The following MAST4 variants were observed in gnomAD, a reference collection of about 807,000 sequenced individuals.
MAST4 encodes the protein microtubule-associated serine/threonine-protein kinase 4.
A neutral mutation model predicts 162.7 loss-of-function variants in MAST4; 89 were observed. The ratio of observed to expected loss-of-function variants is 0.55; its 90% CI spans 0.46 to 0.65. MAST4 has a LOEUF of 0.65. Among genes scored for constraint, MAST4 ranks in the 30% least tolerant of loss-of-function variants. The probability of loss-of-function intolerance (pLI) is 0.00; values close to 1 mark genes in which losing one functional copy is unlikely to be tolerated. For synonymous variants in MAST4, 1,479 were observed against 1,361.1 expected (o/e 1.09, Z -1.91); for missense variants, 3,153 against 3,374.0 (o/e 0.93, Z 1.62).
intron 1 of MAST4, among the ~76,000 whole-genome samples, chr5:66,730,268 T>A (rs1377389452): frequency 6.6e-6 from 1 of 152,202 alleles, no homozygotes; most frequent in East Asian, 1.9e-4. Context: ...CCTGAAGAGA[T>A]GTATTCTTCC....
chr5:67,087,760 A>G (rs1472776060), intron 5 of MAST4, among the ~76,000 whole-genome samples: 2 of 152,192 alleles, frequency 1.3e-5, no homozygotes, highest in Non-Finnish European at 2.9e-5. Context: ...GTATATATAT[A>G]TTTGCATTTT....
intron 14 of MAST4, among the ~76,000 whole-genome samples, chr5:67,128,408 G>T (rs1393052869): frequency 6.6e-6 from 1 of 152,104 alleles, no homozygotes. Flanking sequence ...AGGAGGTATG[G>T]TTAAGAGAGT....
chr5:66,670,827 T>C (rs147372296), intron 1 of MAST4, among the ~76,000 whole-genome samples: 9 of 151,990 alleles, frequency 5.9e-5, no homozygotes, highest in African/African-American at 2.2e-4. Context: ...TCAAACAAAC[T>C]AAAAACATTA....
At chr5:66,700,800 T>TACACACAC (rs10522165) in intron 1 of MAST4, among the ~76,000 whole-genome samples, 14 of 91,138 alleles carry the variant, frequency 1.5e-4, no homozygotes, top group African/African-American at 5.3e-4. Context: ...TATATATATA[T>TACACACAC]ACACACACAC....
At chr5:66,895,360 C>T (rs1762615159) in intron 3 of MAST4, among the ~76,000 whole-genome samples, 7 of 152,122 alleles carry the variant, frequency 4.6e-5, no homozygotes, top group Admixed American at 3.9e-4. Context: ...TGTAAAGTCC[C>T]ATGGCTTTAC....
intron 4 of MAST4, among the ~76,000 whole-genome samples, chr5:66,939,923 A>G (rs1743183916): frequency 2.0e-5 from 3 of 152,128 alleles, no homozygotes; most frequent in Admixed American, 1.3e-4. Flanking sequence ...TACATTAGCC[A>G]GGCTGTGGTG....
chr5:67,023,966 T>G (rs201639355), intron 4 of MAST4, among the ~76,000 whole-genome samples: 1 of 151,992 alleles, frequency 6.6e-6, no homozygotes, highest in Non-Finnish European at 1.5e-5. Flanking sequence ...AAGTGTACAC[T>G]TTAGTAGTGT....
intron 4 of MAST4, among the ~76,000 whole-genome samples, chr5:67,008,876 C>T (rs997795567): frequency 4.6e-5 from 7 of 152,176 alleles, no homozygotes; most frequent in Admixed American, 6.5e-5. Flanking sequence ...TTTATGCATT[C>T]GGCATCTTCC....
chr5:67,034,407 G>C (rs912315601), intron 4 of MAST4, among the ~76,000 whole-genome samples: 1 of 152,158 alleles, frequency 6.6e-6, no homozygotes, highest in African/African-American at 2.4e-5. Flanking sequence ...TAGGGGTTAC[G>C]TAACAATGAT....
At position 67,005,229 on chromosome 5, in the gene MAST4, G is replaced by T; in HGVS notation, c.675-49175G>T. 13 of 647,532 alleles carry T rather than the reference G, an allele frequency of 2.0e-5. No homozygotes were observed. The South Asian group carries it at 2.3e-4, about 11-fold the overall frequency. The allele number at this position is 647,532 out of a possible 1,614,324, so 40.1% of individuals were successfully genotyped here. A position where few individuals can be genotyped will look rare whatever the true frequency, so the allele number is the denominator to read the frequency against. On this transcript the variant is annotated intron_variant, in intron 4 of 28. Coordinates refer to ENST00000403625, the MANE Select transcript of MAST4 (RefSeq NM_001164664.2). Reference sequence around the variant, plus strand: ...AAGTTTATGCCCCGCTAGGGGAGGGGGTACTGTTTCAGGTATTTCTTCGTC... The same window carrying T: ...AAGTTTATGCCCCGCTAGGGGAGGGTGTACTGTTTCAGGTATTTCTTCGTC...
intron 4 of MAST4, among the ~76,000 whole-genome samples, chr5:66,916,742 GTTTTC>G (rs912232565): frequency 3.3e-5 from 5 of 152,096 alleles, no homozygotes; most frequent in Admixed American, 6.5e-5. Context: ...CCACTCTTTA[GTTTTC>G]TTTTGTCACC....
At chr5:67,076,997 T>C (rs1761733524) in intron 5 of MAST4, among the ~76,000 whole-genome samples, 1 of 152,182 alleles carries the variant, frequency 6.6e-6, no homozygotes, top group South Asian at 2.1e-4. Context: ...AGTTGGAGAA[T>C]TAACTGCCCT....
chr5:67,147,745 T>G (rs569148367), intron 23 of MAST4, among the ~76,000 whole-genome samples: 2 of 152,334 alleles, frequency 1.3e-5, no homozygotes, highest in East Asian at 3.9e-4. Flanking sequence ...GTGAAGCAGT[T>G]TTTATCAAGA....
chr5:66,817,279 C>T (rs1756777508), intron 3 of MAST4, among the ~76,000 whole-genome samples: 1 of 152,202 alleles, frequency 6.6e-6, no homozygotes, highest in African/African-American at 2.4e-5. Context: ...CAAATCGATT[C>T]ATGTACTTCT....
At chr5:67,056,158 T>C (rs1199146706) in intron 5 of MAST4, among the ~76,000 whole-genome samples, 1 of 152,006 alleles carries the variant, frequency 6.6e-6, no homozygotes, top group East Asian at 1.9e-4. Context: ...AGTAGTTACC[T>C]CTGAGAGGGC....
At chr5:66,936,177 G>A (rs74462875) in intron 4 of MAST4, among the ~76,000 whole-genome samples, 2 of 152,184 alleles carry the variant, frequency 1.3e-5, no homozygotes, top group Non-Finnish European at 2.9e-5. Context: ...GTGAATTTGC[G>A]TTGGGCAGGG....
chr5:66,920,007 G>T (rs2150042910), intron 4 of MAST4, among the ~76,000 whole-genome samples: 1 of 140,438 alleles, frequency 7.1e-6, no homozygotes, highest in Middle Eastern at 3.9e-3. Context: ...TCTTTCTAAT[G>T]AACAAGGATG....
chr5:66,978,941 G>A (rs1748460624), intron 4 of MAST4, among the ~76,000 whole-genome samples: 1 of 152,110 alleles, frequency 6.6e-6, no homozygotes, highest in African/African-American at 2.4e-5. Context: ...TAGAGTAGAA[G>A]GAAAGTGCAG....
At chr5:66,945,368 T>A (rs1291258543) in intron 4 of MAST4, among the ~76,000 whole-genome samples, 13 of 152,160 alleles carry the variant, frequency 8.5e-5, no homozygotes, top group Admixed American at 8.5e-4. Flanking sequence ...TTAAAACCTA[T>A]GAACATATTT....
Sources: gnomAD v4.1 joint callset for allele counts (sites outside exome capture counted in the v4.1 genomes callset) on GRCh38, gnomAD v4.1.1 for gene constraint, MANE v1.5 for transcripts, NCBI Gene and HGNC (gene_info 2026-07-23, HGNC 2026-07-21) for gene names.